The following DTNA variants were observed in gnomAD, a reference collection of about 807,000 sequenced individuals.
DTNA encodes the protein dystrobrevin alpha.
In DTNA, 43 loss-of-function variants were observed where a neutral mutation model predicts 100.7. That is an observed-to-expected ratio of 0.43 (90% CI 0.33 to 0.55). DTNA has a LOEUF of 0.55. Ranked by LOEUF, DTNA falls within the 20% of genes least tolerant of loss-of-function variation. The pLI, the probability that DTNA is intolerant of heterozygous loss-of-function variation, is 0.04. For synonymous variants in DTNA, 349 were observed against 347.9 expected (o/e 1.00, Z -0.04); for missense variants, 798 against 953.9 (o/e 0.84, Z 2.15).
chr18:34,695,681 G>A (rs1037753810), intron 1 of DTNA, among the ~76,000 whole-genome samples: 59 of 152,290 alleles, frequency 3.9e-4, no homozygotes, highest in African/African-American at 1.3e-3. Flanking sequence ...ACAAGAATTA[G>A]CGTTTAACAT....
At chr18:34,786,052 G>A (rs1181959929) in intron 3 of DTNA, among the ~76,000 whole-genome samples, 1 of 152,216 alleles carries the variant, frequency 6.6e-6, no homozygotes, top group African/African-American at 2.4e-5. Context: ...CCAGTTCTGT[G>A]AAGCCTGGCC....
chr18:34,516,829 A>G (rs1446822850), intron 1 of DTNA, among the ~76,000 whole-genome samples: 1 of 152,070 alleles, frequency 6.6e-6, no homozygotes, highest in Non-Finnish European at 1.5e-5. Context: ...TGCTCTACAA[A>G]CAATTTGTGC....
chr18:34,658,347 C>A (rs893270352), intron 1 of DTNA, among the ~76,000 whole-genome samples: 2 of 152,116 alleles, frequency 1.3e-5, no homozygotes, highest in Non-Finnish European at 2.9e-5. Flanking sequence ...TATAAAAATT[C>A]TTTTGTTTCT....
intron 3 of DTNA, 52 bp downstream of exon 3, chr18:34,766,093 C>G (rs1427909411): frequency 6.4e-7 from 1 of 1,574,322 alleles, no homozygotes; most frequent in Non-Finnish European, 8.7e-7. Context: ...CTATAGTTTA[C>G]ATTTGGTACT....
intron 16 of DTNA, among the ~76,000 whole-genome samples, chr18:34,859,565 A>C (rs1603271697): frequency 6.6e-6 from 1 of 152,356 alleles, no homozygotes; most frequent in African/African-American, 2.4e-5. Context: ...GATTGGTTGC[A>C]GGAGGGGACC....
At chr18:34,742,515 G>A (rs1316696211) in intron 1 of DTNA, among the ~76,000 whole-genome samples, 1 of 147,708 alleles carries the variant, frequency 6.8e-6, no homozygotes, top group Non-Finnish European at 1.5e-5. Context: ...GGATAACTCA[G>A]GTTAATCTCT....
At chr18:34,581,621 G>GTTTTTT (rs760995588) in intron 1 of DTNA, among the ~76,000 whole-genome samples, 1 of 110,374 alleles carries the variant, frequency 9.1e-6, no homozygotes, top group Non-Finnish European at 1.9e-5. Flanking sequence ...CCCCTAGTTA[G>GTTTTTT]TTTTTTTTTT....
At chr18:34,814,084 C>A (rs1183459310) in intron 6 of DTNA, among the ~76,000 whole-genome samples, 2 of 152,086 alleles carry the variant, frequency 1.3e-5, no homozygotes, top group Non-Finnish European at 1.5e-5. Flanking sequence ...GGGCAGGGGG[C>A]TGAGTTTTTA....
At chr18:34,541,324 G>A (rs2044222569) in intron 1 of DTNA, among the ~76,000 whole-genome samples, 1 of 152,030 alleles carries the variant, frequency 6.6e-6, no homozygotes, top group South Asian at 2.1e-4. Flanking sequence ...GCAAGAATGT[G>A]ATGGGAACTG....
intron 1 of DTNA, among the ~76,000 whole-genome samples, chr18:34,571,064 G>A (rs1326101999): frequency 6.6e-6 from 1 of 152,092 alleles, no homozygotes; most frequent in East Asian, 1.9e-4. Flanking sequence ...CACAGATAAG[G>A]ACACTGAGGT....
chr18:34,835,847 A>C (rs2096128843), intron 11 of DTNA, among the ~76,000 whole-genome samples: 2 of 152,192 alleles, frequency 1.3e-5, no homozygotes, highest in African/African-American at 4.8e-5. Context: ...GTTCAGCATG[A>C]GAGGTTGTCC....
At chr18:34,708,934 C>G (rs530370321), upstream of DTNA, among the ~76,000 whole-genome samples, 73 of 152,250 alleles carry the variant, frequency 4.8e-4, no homozygotes, top group African/African-American at 1.7e-3. Context: ...AGTAACCTAT[C>G]CAAGATCACA....
intron 16 of DTNA, among the ~76,000 whole-genome samples, chr18:34,861,757 T>A (rs1188921660): frequency 2.0e-5 from 3 of 152,164 alleles, no homozygotes; most frequent in Admixed American, 2.0e-4. Context: ...TAATTTTTAA[T>A]TGAATTCGAT....
chr18:34,510,020 G>A (rs1271099645), intron 1 of DTNA, among the ~76,000 whole-genome samples: 3 of 151,022 alleles, frequency 2.0e-5, no homozygotes, highest in African/African-American at 7.3e-5. Context: ...CCCAATAGTA[G>A]TTTAAGGGAT....
chr18:34,729,728 C>G (rs1416981690), intron 1 of DTNA, among the ~76,000 whole-genome samples: 1 of 152,004 alleles, frequency 6.6e-6, no homozygotes, highest in African/African-American at 2.4e-5. Flanking sequence ...TAAACACACT[C>G]TAAATTAGGA....
intron 3 of DTNA, among the ~76,000 whole-genome samples, chr18:34,790,565 ATATTTTTTTTTTTTT>A (rs2094687320): frequency 7.7e-5 from 2 of 25,844 alleles, no homozygotes; most frequent in African/African-American, 9.4e-5. Context: ...ATATATATAT[ATATTTTTTTTTTTTT>A]TTTTTTTTTG....
At chr18:34,726,384 T>TA in intron 1 of DTNA, among the ~76,000 whole-genome samples, 2 of 152,326 alleles carry the variant, frequency 1.3e-5, no homozygotes, top group Middle Eastern at 6.8e-3. Flanking sequence ...CTCCAAGTCT[T>TA]ACCTCATTCC....
At chr18:34,705,994 C>A (rs2082062778), upstream of DTNA, among the ~76,000 whole-genome samples, 1 of 152,136 alleles carries the variant, frequency 6.6e-6, no homozygotes, top group Non-Finnish European at 1.5e-5. Context: ...GTTTCCCAGG[C>A]TAGAGTGTAG....
At chr18:34,858,220 G>A in intron 15 of DTNA, 65 bp from the exon 16 acceptor site, 1 of 1,476,254 alleles carries the variant, frequency 6.8e-7, no homozygotes, top group Middle Eastern at 1.7e-4. Flanking sequence ...GCCTTGATCT[G>A]CTCCGATGTT....
Sources: gnomAD v4.1 joint callset for allele counts (sites outside exome capture counted in the v4.1 genomes callset) on GRCh38, gnomAD v4.1.1 for gene constraint, MANE v1.5 for transcripts, NCBI Gene and HGNC (gene_info 2026-07-23, HGNC 2026-07-21) for gene names.